The following PCDH9 variants were observed in gnomAD, a reference collection of about 807,000 sequenced individuals.
PCDH9 encodes protocadherin-9.
A neutral mutation model predicts 70.6 loss-of-function variants in PCDH9; 24 were observed. The ratio of observed to expected loss-of-function variants is 0.34; its 90% CI spans 0.25 to 0.48. The LOEUF is 0.48. Among genes scored for constraint, PCDH9 ranks in the 20% least tolerant of loss-of-function variants. The probability of loss-of-function intolerance (pLI) is 0.99; values close to 1 mark genes in which losing one functional copy is unlikely to be tolerated. For synonymous variants in PCDH9, 562 were observed against 558.5 expected, an observed-to-expected ratio of 1.01 and a Z score of -0.09; for missense variants, 1,281 against 1,503.6, an observed-to-expected ratio of 0.85 and a Z score of 2.45.
At chr13:66,899,579 A>G (rs1020547788) in intron 3 of PCDH9, among the ~76,000 whole-genome samples, 1 of 152,022 alleles carries the variant, frequency 6.6e-6, no homozygotes, top group Admixed American at 6.6e-5. Context: ...GTGAATTCCA[A>G]TAACTATGAG....
intron 3 of PCDH9, among the ~76,000 whole-genome samples, chr13:66,899,361 T>G (rs1390715012): frequency 6.6e-6 from 1 of 152,024 alleles, no homozygotes; most frequent in East Asian, 1.9e-4. Context: ...AAATTCACAG[T>G]TAGTTTAAAA....
chr13:66,312,251 G>T (rs1039045644), intron 4 of PCDH9, among the ~76,000 whole-genome samples: 2 of 152,152 alleles, frequency 1.3e-5, no homozygotes, highest in Admixed American at 1.3e-4. Flanking sequence ...AAATATCATT[G>T]TGGTTTGTCA....
At chr13:66,962,056 C>CA (rs1167276961) in intron 2 of PCDH9, among the ~76,000 whole-genome samples, 11 of 136,886 alleles carry the variant, frequency 8.0e-5, no homozygotes, top group Non-Finnish European at 1.4e-4. Context: ...TCAAGAAAAA[C>CA]AAAAAAACAA....
rs577521878 is a variant in PCDH9, at chr13:67,047,516, C to T, written c.3037-143911G>A. On this transcript the variant is annotated intron_variant, in intron 2 of 4. Coordinates refer to ENST00000377865, the MANE Select transcript of PCDH9 (RefSeq NM_203487.3). ...CTTCTGTTCATTGGCAATTGACATC[C>T]AGAAGATCCTCTCTGTGAATGTTTT... 2.3e-3 allele frequency among the ~76,000 whole-genome samples: 351 copies of T among 152,228 alleles called. 1 individual carries two copies. Among genetic ancestry groups the T allele is most frequent in the Non-Finnish European group, 4.0e-3 (269 of 68,014 alleles).
chr13:66,833,583 T>C (rs2080964843), intron 3 of PCDH9, among the ~76,000 whole-genome samples: 1 of 152,200 alleles, frequency 6.6e-6, no homozygotes, highest in Non-Finnish European at 1.5e-5. Flanking sequence ...ATCTTTGTAG[T>C]CTTCACAATG....
intron 3 of PCDH9, among the ~76,000 whole-genome samples, chr13:66,842,118 A>G (rs2081126037): frequency 2.6e-5 from 4 of 152,194 alleles, no homozygotes; most frequent in Non-Finnish European, 5.9e-5. Context: ...ATGATACTTT[A>G]CTAACATCAA....
intron 3 of PCDH9, among the ~76,000 whole-genome samples, chr13:66,672,558 G>A (rs936637238): frequency 2.2e-4 from 33 of 152,142 alleles, no homozygotes; most frequent in African/African-American, 7.2e-4. Context: ...GACAGCCACC[G>A]TCCTCCAGAC....
In PCDH9 at chr13:66,932,681, T is replaced by TATATATATATACAC. The variant is rs1313632174; in HGVS notation, c.3037-29077_3037-29076insGTGTATATATATAT. On this transcript the variant is annotated intron_variant, in intron 2 of 4. Coordinates refer to ENST00000377865, the MANE Select transcript of PCDH9 (RefSeq NM_203487.3). The stretch of plus-strand genomic sequence containing the variant: ...TCACATATATATATATATATATATA[T>TATATATATATACAC]ACACACACACACACGTATGTATATA... Among the ~76,000 whole-genome samples the TATATATATATACAC allele has an allele frequency of 2.0e-3, 225 of 114,822 alleles. 3 individuals carry two copies. Among genetic ancestry groups the TATATATATATACAC allele is most frequent in the African/African-American group, 7.1e-3 (207 of 29,244 alleles). 75.3% of individuals were successfully genotyped at this position (114,822 alleles called of 152,430 possible).
At chr13:66,990,226 A>G (rs1362350342) in intron 2 of PCDH9, among the ~76,000 whole-genome samples, 1 of 151,812 alleles carries the variant, frequency 6.6e-6, no homozygotes, top group Non-Finnish European at 1.5e-5. Flanking sequence ...CTTGAGTGCT[A>G]AACAGAATAA....
intron 4 of PCDH9, among the ~76,000 whole-genome samples, chr13:66,354,161 C>T (rs775791412): frequency 6.6e-6 from 1 of 151,828 alleles, no homozygotes; most frequent in African/African-American, 2.4e-5. Flanking sequence ...CTTTTTTTAA[C>T]TTTACCCAAA....
chr13:66,540,270 C>A (rs924606398), intron 4 of PCDH9, among the ~76,000 whole-genome samples: 1 of 152,064 alleles, frequency 6.6e-6, no homozygotes, highest in African/African-American at 2.4e-5. Context: ...AGTTTATACA[C>A]ATTTACATAT....
At chr13:66,493,710 A>G (rs1165364916) in intron 4 of PCDH9, among the ~76,000 whole-genome samples, 3 of 152,146 alleles carry the variant, frequency 2.0e-5, no homozygotes, top group Non-Finnish European at 4.4e-5. Context: ...ATTATTAATT[A>G]ATTTCTTACA....
At chr13:66,750,824 G>C (rs185496104) in intron 3 of PCDH9, among the ~76,000 whole-genome samples, 13 of 151,924 alleles carry the variant, frequency 8.6e-5, no homozygotes, top group Non-Finnish European at 1.6e-4. Flanking sequence ...TAAAACATTA[G>C]CAAAAGGGAA....
At chr13:66,595,684 G>C (rs529444189) in intron 4 of PCDH9, among the ~76,000 whole-genome samples, 1 of 151,702 alleles carries the variant, frequency 6.6e-6, no homozygotes, top group South Asian at 2.1e-4. Flanking sequence ...CAGGATATTT[G>C]CACTGAGAAA....
intron 3 of PCDH9, among the ~76,000 whole-genome samples, chr13:66,707,240 C>G (rs1325862510): frequency 6.6e-6 from 1 of 152,126 alleles, no homozygotes; most frequent in Non-Finnish European, 1.5e-5. Flanking sequence ...AACATAGGTA[C>G]AGTAATTTTA....
At chr13:67,144,287 A>C (rs912097341) in intron 2 of PCDH9, among the ~76,000 whole-genome samples, 1 of 152,168 alleles carries the variant, frequency 6.6e-6, no homozygotes, top group Non-Finnish European at 1.5e-5. Flanking sequence ...AGGTGCTACA[A>C]CTTTGTAAAA....
intron 4 of PCDH9, among the ~76,000 whole-genome samples, chr13:66,514,682 T>C (rs967405081): frequency 2.0e-5 from 3 of 152,190 alleles, no homozygotes; most frequent in Middle Eastern, 3.4e-3. Context: ...AAAGCTCCCA[T>C]TGTCTTATTT....
intron 2 of PCDH9, among the ~76,000 whole-genome samples, chr13:67,146,378 T>A (rs1211778439): frequency 1.3e-5 from 2 of 152,132 alleles, no homozygotes; most frequent in South Asian, 4.1e-4. Context: ...ATTTGTACAA[T>A]GAAGAATATC....
intron 2 of PCDH9, among the ~76,000 whole-genome samples, chr13:67,103,958 T>C (rs2138247574): frequency 1.3e-5 from 2 of 152,264 alleles, no homozygotes; most frequent in Middle Eastern, 6.8e-3. Context: ...CATCAGGAAT[T>C]TCAAGATGGT....
Sources: allele counts gnomAD v4.1 joint callset (sites outside exome capture counted in the v4.1 genomes callset), GRCh38; gene constraint gnomAD v4.1.1; transcripts MANE v1.5; gene names NCBI Gene and HGNC (gene_info 2026-07-23, HGNC 2026-07-21).